ULK4: variants seen among roughly 807,000 people sequenced by gnomAD.
ULK4 encodes the protein unc-51 like kinase 4, also known as inactive serine/threonine-protein kinase ULK4.
Under a neutral mutation model 160.6 loss-of-function variants are expected in ULK4, and 133 were observed. The observed-to-expected ratio is 0.83, with a 90% CI of 0.72 to 0.96. The LOEUF is 0.96. Among genes scored for constraint, ULK4 ranks in the 40% least tolerant of loss-of-function variants. The pLI, the probability that ULK4 is intolerant of heterozygous loss-of-function variation, is 0.00. For missense variants in ULK4, 1,580 were observed against 1,499.5 expected, an observed-to-expected ratio of 1.05 and a Z score of -0.89; for synonymous variants, 534 against 539.8, an observed-to-expected ratio of 0.99 and a Z score of 0.15.
chr3:41,877,264 G>T (rs1469995283), intron 17 of ULK4, among the ~76,000 whole-genome samples: 1 of 151,770 alleles, frequency 6.6e-6, no homozygotes. Context: ...GTAACAATAC[G>T]TGTACTATTT....
chr3:41,477,541 A>T (rs969584416), intron 32 of ULK4, among the ~76,000 whole-genome samples: 6 of 152,344 alleles, frequency 3.9e-5, no homozygotes, highest in Middle Eastern at 3.4e-3. Context: ...AATCTGGAAA[A>T]GAAGTATAAA....
intron 34 of ULK4, among the ~76,000 whole-genome samples, chr3:41,452,780 G>A (rs1559613227): frequency 1.3e-5 from 2 of 152,080 alleles, no homozygotes; most frequent in South Asian, 4.1e-4. Flanking sequence ...TATGAAAAAT[G>A]CATCTGGAAA....
At chr3:41,697,240 C>T (rs76427729) in intron 27 of ULK4, among the ~76,000 whole-genome samples, 8,168 of 152,132 alleles carry the variant, frequency 0.054, 421 homozygotes, top group African/African-American at 0.14. Flanking sequence ...AATGACGCTT[C>T]GGTCAGCAAC....
At chr3:41,506,440 C>T (rs183479680) in intron 32 of ULK4, among the ~76,000 whole-genome samples, 68 of 152,150 alleles carry the variant, frequency 4.5e-4, no homozygotes, top group African/African-American at 1.4e-3. Context: ...CAGAAGTTGA[C>T]AATAATTCAT....
At chr3:41,725,996 G>A (rs1182164277) in intron 22 of ULK4, among the ~76,000 whole-genome samples, 2 of 152,084 alleles carry the variant, frequency 1.3e-5, no homozygotes, top group African/African-American at 4.8e-5. Context: ...AATAGAAATG[G>A]TTATCTTTTG....
chr3:41,713,224 G>C (rs1233823435), intron 25 of ULK4, among the ~76,000 whole-genome samples: 1 of 152,192 alleles, frequency 6.6e-6, no homozygotes, highest in Admixed American at 6.5e-5. Flanking sequence ...TAGAATGTTG[G>C]ATGAGTAGAC....
chr3:41,515,649 G>A (rs996889527), intron 32 of ULK4, among the ~76,000 whole-genome samples: 4 of 152,206 alleles, frequency 2.6e-5, no homozygotes, highest in South Asian at 2.1e-4. Context: ...CGGAGTGCCA[G>A]TAGGGGAAAC....
intron 21 of ULK4, among the ~76,000 whole-genome samples, chr3:41,781,279 T>C (rs1019764017): frequency 6.6e-6 from 1 of 152,034 alleles, no homozygotes; most frequent in Non-Finnish European, 1.5e-5. Context: ...TAGCCGGGCA[T>C]GGTGGCGGGT....
intron 2 of ULK4, among the ~76,000 whole-genome samples, chr3:41,941,031 T>C (rs1451932478): frequency 1.3e-5 from 2 of 148,716 alleles, no homozygotes; most frequent in Non-Finnish European, 3.0e-5. Flanking sequence ...AATCCTGTTC[T>C]TAACCTTTTT....
intron 22 of ULK4, among the ~76,000 whole-genome samples, chr3:41,745,468 T>G (rs769436060): frequency 3.3e-5 from 5 of 151,850 alleles, no homozygotes; most frequent in African/African-American, 1.2e-4. Context: ...TTTTAAAATA[T>G]GCATGGCCTT....
At chr3:41,613,231 T>C (rs529053277) in intron 31 of ULK4, among the ~76,000 whole-genome samples, 1 of 152,194 alleles carries the variant, frequency 6.6e-6, no homozygotes, top group Non-Finnish European at 1.5e-5. Context: ...AGCTCTAAGA[T>C]GCACCATTAT....
chr3:41,489,975 A>G (rs2084689676), intron 32 of ULK4, among the ~76,000 whole-genome samples: 1 of 152,214 alleles, frequency 6.6e-6, no homozygotes, highest in African/African-American at 2.4e-5. Context: ...GCAACAGTCA[A>G]AAGGCATAAT....
chr3:41,455,833 C>A (rs1168759481), intron 33 of ULK4, among the ~76,000 whole-genome samples: 1 of 152,166 alleles, frequency 6.6e-6, no homozygotes, highest in Non-Finnish European at 1.5e-5. Context: ...CTGGACAGCA[C>A]ATAGATAAAG....
intron 35 of ULK4, among the ~76,000 whole-genome samples, chr3:41,377,358 A>C (rs1285139220): frequency 1.4e-3 from 212 of 151,434 alleles, no homozygotes; most frequent in Non-Finnish European, 1.8e-3. Context: ...GCAACAAAAG[A>C]CAAAATTGAC....
intron 34 of ULK4, among the ~76,000 whole-genome samples, chr3:41,434,919 A>G (rs2082999355): frequency 6.6e-6 from 1 of 152,222 alleles, no homozygotes; most frequent in East Asian, 1.9e-4. Context: ...CACTAGGTTA[A>G]ACACTGAATT....
intron 34 of ULK4, among the ~76,000 whole-genome samples, chr3:41,425,780 C>T (rs1201712891): frequency 6.6e-6 from 1 of 152,144 alleles, no homozygotes; most frequent in East Asian, 1.9e-4. Flanking sequence ...CTGAAGGAAG[C>T]ACTAAATAGG....
intron 32 of ULK4, among the ~76,000 whole-genome samples, chr3:41,512,552 G>T (rs963882898): frequency 1.3e-5 from 2 of 152,022 alleles, no homozygotes; most frequent in African/African-American, 4.8e-5. Context: ...AAACACTTCA[G>T]AATATACCTA....
intron 22 of ULK4, among the ~76,000 whole-genome samples, chr3:41,743,022 G>T (rs1416170767): frequency 6.6e-6 from 1 of 151,752 alleles, no homozygotes; most frequent in Non-Finnish European, 1.5e-5. Context: ...TCCCAAAGAG[G>T]GGAAGAGAGA....
chr3:41,296,260 C>T (rs2079665765), intron 35 of ULK4, among the ~76,000 whole-genome samples: 2 of 152,076 alleles, frequency 1.3e-5, no homozygotes, highest in African/African-American at 4.8e-5. Flanking sequence ...TTTCTGTGAA[C>T]ATAAAACTCC....
Sources: allele counts gnomAD v4.1 joint callset (sites outside exome capture counted in the v4.1 genomes callset), GRCh38; gene constraint gnomAD v4.1.1; transcripts MANE v1.5; gene names NCBI Gene and HGNC (gene_info 2026-07-23, HGNC 2026-07-21).